Variants in CDKL3 observed in about 807,000 individuals in gnomAD.
The protein encoded by CDKL3 is cyclin dependent kinase like 3, also known as cyclin-dependent kinase-like 3.
A neutral mutation model predicts 69.3 loss-of-function variants in CDKL3; 65 were observed. The observed-to-expected ratio is 0.94, with a 90% CI of 0.77 to 1.15. CDKL3 has a LOEUF of 1.15. CDKL3 is among the 50% of genes most tolerant of loss of function. The pLI is 0.00. For missense variants in CDKL3, 652 were observed against 689.2 expected (o/e 0.95, Z 0.61); for synonymous variants, 202 against 221.6 (o/e 0.91, Z 0.79).
intron 2 of CDKL3, among the ~76,000 whole-genome samples, chr5:134,364,205 C>T (rs141174679): frequency 1.5e-3 from 229 of 152,096 alleles, no homozygotes; most frequent in African/African-American, 5.2e-3. Flanking sequence ...CTACCCCAAC[C>T]CTAAGGAATG....
chr5:134,299,395 A>G lies in CDKL3; in HGVS notation c.1720-685T>C, dbSNP rs780739497. 3.1e-4 allele frequency: 211 copies of G among 678,516 alleles called. 1 individual carries two copies. Among genetic ancestry groups the G allele is most frequent in the Non-Finnish European group, 4.0e-4 (202 of 504,494 alleles). The allele number at this position is 678,516 out of a possible 1,614,324, so 42.0% of individuals were successfully genotyped here. A position where few individuals can be genotyped will look rare whatever the true frequency, so the allele number is the denominator to read the frequency against. ...TGCTAAGAATGACCACTCATCAAGT[A>G]TGATTGAAATAATAGGTGATCAAAT... is the stretch of plus-strand genomic sequence containing the variant. On this transcript the variant is annotated intron_variant, in intron 12 of 12. Coordinates refer to ENST00000265334, the MANE Select transcript of CDKL3 (RefSeq NM_001113575.2).
rs1581284715 is a variant in CDKL3 at position 134,367,022 on chromosome 5, G to A, written c.-67C>T. 1.0e-6 allele frequency: 1 copy of A among 988,872 alleles called. No homozygotes were observed. The highest frequency in any genetic ancestry group is 6.1e-5 in the Admixed American group (1 of 16,322). 61.3% of individuals were successfully genotyped at this position (988,872 alleles called of 1,614,324 possible). A position where few individuals can be genotyped will look rare whatever the true frequency, so the allele number is the denominator to read the frequency against. On this transcript the variant is annotated 5_prime_UTR_variant, in exon 1 of 13. Transcript: ENST00000265334. ...CGCTGTTGACTTTATCCAAACAGCC[G>A]CCGCCGCCTCAGCCCATTCTGTGGT...
chr5:134,328,329 T>C (rs930160444), intron 4 of CDKL3, among the ~76,000 whole-genome samples: 1 of 152,182 alleles, frequency 6.6e-6, no homozygotes, highest in Non-Finnish European at 1.5e-5. Flanking sequence ...AGATATAAAT[T>C]ACATGTATAT....
chr5:134,284,303 C>G (rs1764757366), downstream of CDKL3, among the ~76,000 whole-genome samples: 2 of 152,134 alleles, frequency 1.3e-5, no homozygotes, highest in African/African-American at 4.8e-5. Flanking sequence ...TTGGTAGGCT[C>G]CGTGATGCCC....
intron 3 of CDKL3, among the ~76,000 whole-genome samples, chr5:134,350,901 C>T (rs930558263): frequency 3.3e-5 from 5 of 151,768 alleles, no homozygotes; most frequent in African/African-American, 1.2e-4. Flanking sequence ...TTTTACTTTC[C>T]TTTAACCCTA....
intron 4 of CDKL3, among the ~76,000 whole-genome samples, chr5:134,347,198 CT>C (rs1273526371): frequency 1.2e-4 from 17 of 142,010 alleles, no homozygotes; most frequent in Non-Finnish European, 2.1e-4. Context: ...ATAAAGTTTA[CT>C]TTAAAAAAAA....
At chr5:134,354,409 C>T (rs985088740) in intron 3 of CDKL3, among the ~76,000 whole-genome samples, 4 of 152,186 alleles carry the variant, frequency 2.6e-5, no homozygotes, top group African/African-American at 9.6e-5. Context: ...CTTGTTTATA[C>T]AACTTACTAC....
At chr5:134,296,573 A>T (rs1446603899), downstream of CDKL3, among the ~76,000 whole-genome samples, 1 of 152,186 alleles carries the variant, frequency 6.6e-6, no homozygotes, top group African/African-American at 2.4e-5. Context: ...TCAAAAGGTG[A>T]ACTATAAGAC....
intron 6 of CDKL3, among the ~76,000 whole-genome samples, chr5:134,316,957 TC>T (rs1371567754): frequency 6.6e-6 from 1 of 152,146 alleles, no homozygotes; most frequent in Non-Finnish European, 1.5e-5. Context: ...TCTGAACCTC[TC>T]CTTTTTGTTT....
At chr5:134,338,719 A>AAAAAAATTATT (rs1749675606) in intron 4 of CDKL3, among the ~76,000 whole-genome samples, 1 of 151,998 alleles carries the variant, frequency 6.6e-6, no homozygotes, top group Non-Finnish European at 1.5e-5. Context: ...ACAGATAGTA[A>AAAAAAATTATT]AAAAAATTAT....
chr5:134,311,620 TTC>T (rs892718670), intron 7 of CDKL3, among the ~76,000 whole-genome samples: 2 of 152,142 alleles, frequency 1.3e-5, no homozygotes, highest in African/African-American at 4.8e-5. Flanking sequence ...AACCAGACTA[TTC>T]TCTGAGTCAG....
chr5:134,363,977 AAGAG>A lies in CDKL3; in HGVS notation c.165+2378_165+2381del, dbSNP rs774547186. 1.7e-3 allele frequency among the ~76,000 whole-genome samples: 208 copies of A among 119,098 alleles called. 1 individual carries two copies. Among genetic ancestry groups the A allele is most frequent in the Middle Eastern group, 4.6e-3 (1 of 218 alleles). 78.1% of individuals were successfully genotyped at this position (119,098 alleles called of 152,430 possible). On this transcript the variant is annotated intron_variant, in intron 2 of 12. Coordinates refer to ENST00000265334, the MANE Select transcript of CDKL3 (RefSeq NM_001113575.2). ...TTTCTTAAAAAAAAAAAAAAAAAAA[AAGAG>A]AGAGAAAGAAGGCAAATTGATCCAT...
chr5:134,334,994 G>C (rs184582200), intron 4 of CDKL3, among the ~76,000 whole-genome samples: 2 of 152,150 alleles, frequency 1.3e-5, no homozygotes, highest in African/African-American at 4.8e-5. Context: ...AATCTGGGTG[G>C]TTCTGTGTTG....
intron 4 of CDKL3, among the ~76,000 whole-genome samples, chr5:134,329,138 C>T (rs1412165045): frequency 6.6e-6 from 1 of 152,162 alleles, no homozygotes; most frequent in South Asian, 2.1e-4. Context: ...GACAGGAGTT[C>T]GAGACCAGCC....
At chr5:134,293,002 C>CTTTTT (rs558156596) in intron 8 of CDKL3, among the ~76,000 whole-genome samples, 792 of 44,028 alleles carry the variant, frequency 0.018, 66 homozygotes, top group Non-Finnish European at 0.023. Context: ...CTGCCAATTT[C>CTTTTT]TTTTTTTTTT....
intron 4 of CDKL3, among the ~76,000 whole-genome samples, chr5:134,335,388 CTGT>C (rs911378366): frequency 6.6e-6 from 1 of 152,056 alleles, no homozygotes; most frequent in Non-Finnish European, 1.5e-5. Context: ...GTTATTTTGA[CTGT>C]TAATTGATGC....
downstream of CDKL3, among the ~76,000 whole-genome samples, chr5:134,283,364 T>C (rs1021954995): frequency 6.6e-6 from 1 of 152,188 alleles, no homozygotes; most frequent in African/African-American, 2.4e-5. Flanking sequence ...GAAAGAGGTT[T>C]ATTGGACTTA....
chr5:134,302,895 G>A (rs994801353), intron 11 of CDKL3, among the ~76,000 whole-genome samples: 1 of 151,874 alleles, frequency 6.6e-6, no homozygotes, highest in South Asian at 2.1e-4. Context: ...ATTAAAATAA[G>A]ACATTTATTT....
At chr5:134,329,643 G>C (rs1161850491) in intron 4 of CDKL3, among the ~76,000 whole-genome samples, 1 of 151,474 alleles carries the variant, frequency 6.6e-6, no homozygotes, top group African/African-American at 2.4e-5. Flanking sequence ...CTAATTTTTT[G>C]TATTTTTAGT....
Sources: gnomAD v4.1 joint callset for allele counts (sites outside exome capture counted in the v4.1 genomes callset) on GRCh38, gnomAD v4.1.1 for gene constraint, MANE v1.5 for transcripts, NCBI Gene and HGNC (gene_info 2026-07-23, HGNC 2026-07-21) for gene names.